The following RIPOR2 variants were observed in gnomAD, a reference collection of about 807,000 sequenced individuals.
RIPOR2 encodes rho family-interacting cell polarization regulator 2.
Under a neutral mutation model 114.5 loss-of-function variants are expected in RIPOR2, and 39 were observed. The ratio of observed to expected loss-of-function variants is 0.34; its 90% CI spans 0.26 to 0.44. RIPOR2 has a LOEUF of 0.44. Among genes scored for constraint, RIPOR2 ranks in the 20% least tolerant of loss-of-function variants. RIPOR2 has a pLI of 1.00. For missense variants in RIPOR2, 1,007 were observed against 1,255.1 expected (o/e 0.80, Z 2.99); for synonymous variants, 445 against 484.4 (o/e 0.92, Z 1.07).
chr6:24,852,647 G>A (rs769916213), intron 8 of RIPOR2, 29 bp from the exon 9 acceptor site: 4 of 1,565,870 alleles, frequency 2.6e-6, no homozygotes, highest in Non-Finnish European at 3.5e-6. Flanking sequence ...AAGGTGAGGT[G>A]TAGAACATAT....
chr6:24,879,679 C>T (rs1037578597), intron 1 of RIPOR2, among the ~76,000 whole-genome samples: 3 of 152,184 alleles, frequency 2.0e-5, no homozygotes, highest in Non-Finnish European at 4.4e-5. Flanking sequence ...CTCCCTTCCC[C>T]ATAGCTCCCA....
intron 1 of RIPOR2, among the ~76,000 whole-genome samples, chr6:25,016,159 G>A (rs1164758447): frequency 4.0e-5 from 6 of 151,772 alleles, no homozygotes; most frequent in African/African-American, 1.5e-4. Context: ...CACCCGCCTC[G>A]GGCTCCCAAA....
intron 1 of RIPOR2, among the ~76,000 whole-genome samples, chr6:24,979,117 G>C (rs1774189751): frequency 6.6e-6 from 1 of 152,010 alleles, no homozygotes; most frequent in Non-Finnish European, 1.5e-5. Flanking sequence ...CACTCCTTAT[G>C]AGATAATGAG....
chr6:24,847,803 G>T, intron 12 of RIPOR2: 2 of 1,200,324 alleles, frequency 1.7e-6, no homozygotes, highest in Non-Finnish European at 2.3e-6. Context: ...TTATTTATAT[G>T]CACTTCTTTA....
chr6:24,870,755 C>T, intron 5 of RIPOR2, 111 bp downstream of exon 5: 9 of 711,508 alleles, frequency 1.3e-5, no homozygotes, highest in Non-Finnish European at 2.1e-5. Context: ...CTCAAGTGAT[C>T]CACCCACCTC....
chr6:24,901,021 A>T (rs1768388248), intron 1 of RIPOR2, among the ~76,000 whole-genome samples: 1 of 152,010 alleles, frequency 6.6e-6, no homozygotes, highest in African/African-American at 2.4e-5. Flanking sequence ...ATGGCTTCAA[A>T]CTCCTCTTGT....
chr6:24,822,218 C>A (rs1370073011), intron 19 of RIPOR2, among the ~76,000 whole-genome samples: 1 of 152,184 alleles, frequency 6.6e-6, no homozygotes, highest in African/African-American at 2.4e-5. Context: ...AGGTCAGAAA[C>A]CAATCGATGG....
intron 1 of RIPOR2, among the ~76,000 whole-genome samples, chr6:24,933,268 T>TA (rs1771535677): frequency 3.3e-5 from 5 of 152,338 alleles, no homozygotes; most frequent in African/African-American, 1.2e-4. Flanking sequence ...ACCACTATTC[T>TA]AAAAGCTTTC....
At chr6:25,020,838 A>G (rs1776284373) in intron 1 of RIPOR2, among the ~76,000 whole-genome samples, 1 of 152,080 alleles carries the variant, frequency 6.6e-6, no homozygotes, top group African/African-American at 2.4e-5. Context: ...GACAAGGTTC[A>G]TGTCTAGTTT....
intron 1 of RIPOR2, chr6:24,948,134 C>T (rs1772534058): frequency 6.6e-6 from 1 of 152,192 alleles, no homozygotes; most frequent in South Asian, 2.1e-4. Flanking sequence ...AGGTTAACAA[C>T]CCTTCTATCA....
intron 1 of RIPOR2, among the ~76,000 whole-genome samples, chr6:25,006,830 C>T (rs1309027081): frequency 6.6e-6 from 1 of 152,258 alleles, no homozygotes; most frequent in African/African-American, 2.4e-5. Context: ...AGGAAACATG[C>T]ACTCTTTTCA....
At chr6:24,943,280 G>A (rs957724912) in intron 1 of RIPOR2, among the ~76,000 whole-genome samples, 5 of 152,098 alleles carry the variant, frequency 3.3e-5, no homozygotes, top group African/African-American at 9.7e-5. Context: ...TCATAGGTGG[G>A]AACTGAACAA....
At chr6:24,943,175 G>C (rs1681331022) in intron 1 of RIPOR2, among the ~76,000 whole-genome samples, 2 of 152,172 alleles carry the variant, frequency 1.3e-5, no homozygotes, top group African/African-American at 4.8e-5. Context: ...AAAATGATGA[G>C]TTCATGTCCT....
At chr6:24,820,836 A>G (rs1286204447) in intron 19 of RIPOR2, among the ~76,000 whole-genome samples, 6 of 146,888 alleles carry the variant, frequency 4.1e-5, no homozygotes, top group African/African-American at 7.5e-5. Flanking sequence ...TCTGTGTACA[A>G]GGTTTTTTTG....
chr6:24,837,990 G>A (rs1362139478), intron 14 of RIPOR2, among the ~76,000 whole-genome samples: 3 of 152,162 alleles, frequency 2.0e-5, no homozygotes, highest in African/African-American at 7.2e-5. Flanking sequence ...GGGAAAGTGT[G>A]TTTTCTTTCA....
In RIPOR2 at chr6:24,820,838, GTTTT is replaced by G. The variant is rs564539631; in HGVS notation, c.2869-2217_2869-2214del. ...GCTGCTATGAACATCTGTGTACAAG[GTTTT>G]TTTGTGTGGACATATGGTTTAACAC... On this transcript the variant is annotated intron_variant, in intron 19 of 21. Transcript: ENST00000643898. Among the ~76,000 whole-genome samples the G allele has an allele frequency of 3.3e-3, 447 of 136,516 alleles. 2 individuals carry two copies. Among genetic ancestry groups the G allele is most frequent in the African/African-American group, 0.011 (418 of 37,184 alleles). The allele number at this position is 136,516 out of a possible 152,430, so 89.6% of individuals were successfully genotyped here.
intron 1 of RIPOR2, among the ~76,000 whole-genome samples, chr6:25,026,428 G>A (rs1776627427): frequency 6.6e-6 from 1 of 152,178 alleles, no homozygotes. Context: ...ATAAAGGACT[G>A]CGAAGGGCGG....
chr6:24,920,596 A>G (rs1039065341), intron 1 of RIPOR2, among the ~76,000 whole-genome samples: 3 of 152,216 alleles, frequency 2.0e-5, no homozygotes, highest in African/African-American at 7.2e-5. Context: ...ATCTATGAAT[A>G]ATTTTCTATT....
At chr6:24,856,633 T>C (rs1425562195) in intron 8 of RIPOR2, among the ~76,000 whole-genome samples, 1 of 152,166 alleles carries the variant, frequency 6.6e-6, no homozygotes, top group Non-Finnish European at 1.5e-5. Context: ...TGGGCATCTG[T>C]AATCCCAGCT....
Sources: gnomAD v4.1 joint callset for allele counts (sites outside exome capture counted in the v4.1 genomes callset) on GRCh38, gnomAD v4.1.1 for gene constraint, MANE v1.5 for transcripts, NCBI Gene and HGNC (gene_info 2026-07-23, HGNC 2026-07-21) for gene names.